XRCC6: variants seen among roughly 807,000 people sequenced by gnomAD.
XRCC6 encodes DNA repair protein Ku70.
XRCC6 carries 5 observed loss-of-function variants against 65.7 expected under a neutral mutation model. That is an observed-to-expected ratio of 0.08 (90% CI 0.04 to 0.16). The LOEUF (loss-of-function observed/expected upper bound fraction) is 0.16. Ranked by LOEUF, XRCC6 falls within the 10% of genes least tolerant of loss-of-function variation. The pLI is 1.00. For synonymous variants in XRCC6, 270 were observed against 270.6 expected, an observed-to-expected ratio of 1.00 and a Z score of 0.02; for missense variants, 447 against 738.1, an observed-to-expected ratio of 0.61 and a Z score of 4.57.
At chr22:41,651,212 C>T (rs564941461) in intron 8 of XRCC6, among the ~76,000 whole-genome samples, 2 of 151,962 alleles carry the variant, frequency 1.3e-5, no homozygotes, top group South Asian at 2.1e-4. Flanking sequence ...GCATGAAAAT[C>T]GCTTGAACCT....
intron 6 of XRCC6, among the ~76,000 whole-genome samples, chr22:41,638,715 T>G (rs1231898020): frequency 7.8e-6 from 1 of 127,932 alleles, no homozygotes; most frequent in African/African-American, 3.1e-5. Flanking sequence ...GAGTCAGAGG[T>G]GGCAGTGAGC....
intron 9 of XRCC6, among the ~76,000 whole-genome samples, chr22:41,655,546 T>C (rs997440780): frequency 6.6e-6 from 1 of 151,354 alleles, no homozygotes; most frequent in Non-Finnish European, 1.5e-5. Context: ...CTACTAAAAA[T>C]ACAAAATTAG....
chr22:41,649,256 T>C (rs2067971176), intron 7 of XRCC6, among the ~76,000 whole-genome samples: 2 of 150,168 alleles, frequency 1.3e-5, no homozygotes, highest in South Asian at 2.1e-4. Context: ...AGCTTCAACC[T>C]CTTGGGTTCA....
At chr22:41,633,967 C>G (rs1227611284) in intron 3 of XRCC6, among the ~76,000 whole-genome samples, 2 of 152,128 alleles carry the variant, frequency 1.3e-5, no homozygotes, top group Non-Finnish European at 2.9e-5. Context: ...GGAGCCCTTA[C>G]CAGATTCTTT....
rs764318806 is a variant in XRCC6 at position 41,628,203 on chromosome 22, G to A, written c.168G>A (p.Glu56=). 1 of 1,613,420 alleles carries A rather than the reference G, an allele frequency of 6.2e-7. No homozygotes were observed. Among genetic ancestry groups the A allele is most frequent in the East Asian group, 2.2e-5 (1 of 44,862 alleles). Reference sequence around the variant, plus strand: ...TGTTTGAATCTCAGAGTGAAGATGAGTTGACACCTTTTGACATGAGCATCC... The same window carrying A: ...TGTTTGAATCTCAGAGTGAAGATGAATTGACACCTTTTGACATGAGCATCC... ...KAMFESQSED[E]LTPFDMSIQC... Residue 56 remains glutamate (E), a synonymous_variant, in exon 3 of 13, where the codon GAG becomes GAA. Coordinates refer to ENST00000360079, the MANE Select transcript of XRCC6 (RefSeq NM_001469.5).
At chr22:41,638,028 T>C (rs1398510850) in intron 6 of XRCC6, among the ~76,000 whole-genome samples, 1 of 149,442 alleles carries the variant, frequency 6.7e-6, no homozygotes, top group African/African-American at 2.5e-5. Flanking sequence ...CCAGAAGCAA[T>C]ACATTGCTCT....
chr22:41,630,859 C>T (rs543115276), intron 3 of XRCC6, among the ~76,000 whole-genome samples: 23 of 152,348 alleles, frequency 1.5e-4, no homozygotes, highest in Non-Finnish European at 2.5e-4. Flanking sequence ...CCCATGTCTA[C>T]TTTTTTCCAC....
At position 41,663,598 on chromosome 22, in the gene XRCC6, C is replaced by T. The variant is rs746854362; in HGVS notation, c.1637-24C>T. ...CACTTGTATGTAGCATTTCCAGTCACTCTCTCCTGACCTTTCCCCCCAGAT... is the reference window on the plus strand; with the variant it reads ...CACTTGTATGTAGCATTTCCAGTCATTCTCTCCTGACCTTTCCCCCCAGAT... On this transcript the variant is annotated intron_variant, in intron 12 of 12. Transcript: ENST00000360079. 6.9e-6 allele frequency: 11 copies of T among 1,596,874 alleles called. No individual in the cohort carries two copies. The East Asian group carries it at 1.8e-4, about 26-fold the overall frequency.
intron 2 of XRCC6, among the ~76,000 whole-genome samples, chr22:41,627,200 G>C (rs1222977934): frequency 2.0e-5 from 3 of 152,194 alleles, no homozygotes; most frequent in Non-Finnish European, 4.4e-5. Flanking sequence ...TGTAGATGAA[G>C]AGGCTTTAGA....
chr22:41,662,449 T>C (rs569283031), intron 12 of XRCC6, among the ~76,000 whole-genome samples: 1 of 152,244 alleles, frequency 6.6e-6, no homozygotes, highest in African/African-American at 2.4e-5. Flanking sequence ...ACAAATGGAA[T>C]AATACATTGT....
At chr22:41,630,511 T>C (rs1023771357) in intron 3 of XRCC6, among the ~76,000 whole-genome samples, 5 of 150,806 alleles carry the variant, frequency 3.3e-5, no homozygotes, top group African/African-American at 1.2e-4. Flanking sequence ...TTTTAATTTA[T>C]TTTTTTTATT....
chr22:41,628,261 T>C (rs1341799720), intron 3 of XRCC6, 31 bp downstream of exon 3: 6 of 1,574,288 alleles, frequency 3.8e-6, no homozygotes, highest in South Asian at 1.1e-5. Flanking sequence ...AAGACAAATT[T>C]AAAAACAGTA....
chr22:41,626,302 G>A (rs956502044), intron 2 of XRCC6, among the ~76,000 whole-genome samples: 1 of 138,800 alleles, frequency 7.2e-6, no homozygotes, highest in South Asian at 2.3e-4. Context: ...GCCACTACAC[G>A]CAGCTAATTT....
chr22:41,640,139 G>A (rs1413220389), intron 6 of XRCC6, among the ~76,000 whole-genome samples: 1 of 151,622 alleles, frequency 6.6e-6, no homozygotes, highest in Admixed American at 6.6e-5. Context: ...TGGTCTTCCT[G>A]TCTCAGCCTC....
intron 7 of XRCC6, among the ~76,000 whole-genome samples, chr22:41,649,139 A>AAAAAATATATATATATAT: frequency 4.5e-5 from 4 of 88,730 alleles, no homozygotes; most frequent in South Asian, 4.3e-4. Flanking sequence ...AAAAAAAAAA[A>AAAAAATATATATATATAT]ATATATATAT....
intron 8 of XRCC6, among the ~76,000 whole-genome samples, chr22:41,651,693 A>G (rs2067999599): frequency 6.6e-6 from 1 of 151,294 alleles, no homozygotes; most frequent in South Asian, 2.1e-4. Context: ...ACGTCTAGCT[A>G]ATTTTTGTAT....
intron 3 of XRCC6, among the ~76,000 whole-genome samples, chr22:41,629,788 G>A (rs993994465): frequency 6.6e-6 from 1 of 151,988 alleles, no homozygotes; most frequent in Non-Finnish European, 1.5e-5. Flanking sequence ...TCCTACCTTA[G>A]CCTCCAGAGT....
chr22:41,661,497 T>C, intron 12 of XRCC6, 53 bp downstream of exon 12: 1 of 1,480,032 alleles, frequency 6.8e-7, no homozygotes. Context: ...GCTTTTATGA[T>C]AGTCTTATCA....
intron 4 of XRCC6, 29 bp from the exon 5 acceptor site, chr22:41,636,487 T>C (rs1177705470): frequency 6.2e-7 from 1 of 1,608,386 alleles, no homozygotes; most frequent in East Asian, 2.2e-5. Flanking sequence ...CTGATTTTTC[T>C]TTCCATTTGA....
Sources: gnomAD v4.1 joint callset for allele counts (sites outside exome capture counted in the v4.1 genomes callset) on GRCh38, gnomAD v4.1.1 for gene constraint, MANE v1.5 for transcripts, NCBI Gene and HGNC (gene_info 2026-07-23, HGNC 2026-07-21) for gene names.